Variants in BRINP3 observed in about 807,000 individuals in gnomAD.
BRINP3 encodes BMP/retinoic acid-inducible neural-specific protein 3.
In BRINP3, 19 loss-of-function variants were observed where a neutral mutation model predicts 71.0. The ratio of observed to expected loss-of-function variants is 0.27; its 90% CI spans 0.19 to 0.39. The LOEUF is 0.39. Among genes scored for constraint, BRINP3 ranks in the 10% least tolerant of loss-of-function variants. The pLI is 1.00. For missense variants in BRINP3, 959 were observed against 940.8 expected (o/e 1.02, Z -0.25); for synonymous variants, 380 against 337.7 (o/e 1.13, Z -1.37).
chr1:190,121,311 A>T (rs539706800), intron 7 of BRINP3, among the ~76,000 whole-genome samples: 1 of 152,276 alleles, frequency 6.6e-6, no homozygotes, highest in East Asian at 1.9e-4. Flanking sequence ...TTAATATTAG[A>T]TATTAAAACA....
chr1:190,357,982 T>C (rs1208941992), intron 2 of BRINP3, among the ~76,000 whole-genome samples: 1 of 151,266 alleles, frequency 6.6e-6, no homozygotes, highest in East Asian at 1.9e-4. Flanking sequence ...ACTGGATCCC[T>C]TCCTTACACC....
At chr1:190,422,698 C>T (rs189878134) in intron 2 of BRINP3, among the ~76,000 whole-genome samples, 47 of 151,860 alleles carry the variant, frequency 3.1e-4, no homozygotes, top group Non-Finnish European at 4.9e-4. Flanking sequence ...AGCTGAAGTT[C>T]GCTTTTTGAA....
intron 2 of BRINP3, among the ~76,000 whole-genome samples, chr1:190,292,823 A>G (rs958677770): frequency 1.3e-5 from 2 of 151,994 alleles, no homozygotes; most frequent in African/African-American, 4.8e-5. Flanking sequence ...TAGGTTTTCC[A>G]ATTTGTTAGC....
chr1:190,314,092 A>G (rs1031617818), intron 2 of BRINP3, among the ~76,000 whole-genome samples: 2 of 152,056 alleles, frequency 1.3e-5, no homozygotes, highest in Non-Finnish European at 2.9e-5. Flanking sequence ...AGTGACTTGT[A>G]TATGTAGAGT....
intron 2 of BRINP3, among the ~76,000 whole-genome samples, chr1:190,301,315 CCTTTA>C: frequency 6.8e-6 from 1 of 146,998 alleles, no homozygotes; most frequent in Middle Eastern, 3.8e-3. Context: ...ACATTACCTC[CCTTTA>C]CTTCATTTTA....
intron 2 of BRINP3, among the ~76,000 whole-genome samples, chr1:190,397,092 C>A (rs1671628266): frequency 6.6e-6 from 1 of 151,824 alleles, no homozygotes; most frequent in African/African-American, 2.4e-5. Flanking sequence ...CCTGTGACTA[C>A]CTCTGGACTC....
chr1:190,269,975 C>T (rs1186351022), intron 3 of BRINP3, among the ~76,000 whole-genome samples: 2 of 151,942 alleles, frequency 1.3e-5, no homozygotes, highest in Admixed American at 6.6e-5. Flanking sequence ...CATAAATGCC[C>T]ATCGGTAGGA....
intron 7 of BRINP3, among the ~76,000 whole-genome samples, chr1:190,134,395 C>G (rs1654801826): frequency 6.6e-6 from 1 of 151,760 alleles, no homozygotes; most frequent in Non-Finnish European, 1.5e-5. Context: ...TCGTAAGAAA[C>G]AGGTTTAGAT....
At chr1:190,290,747 G>T (rs553199925) in intron 2 of BRINP3, among the ~76,000 whole-genome samples, 1 of 152,094 alleles carries the variant, frequency 6.6e-6, no homozygotes, top group Non-Finnish European at 1.5e-5. Context: ...AAGATTGTTA[G>T]AAATAAATTC....
intron 2 of BRINP3, among the ~76,000 whole-genome samples, chr1:190,301,255 A>C (rs1482284626): frequency 6.9e-6 from 1 of 144,296 alleles, no homozygotes; most frequent in African/African-American, 2.5e-5. Context: ...ATATATATAT[A>C]TATCTTATCA....
chr1:190,186,808 A>C (rs1653568073), intron 6 of BRINP3, among the ~76,000 whole-genome samples: 1 of 152,062 alleles, frequency 6.6e-6, no homozygotes, highest in Non-Finnish European at 1.5e-5. Context: ...GGTATGGTAA[A>C]TAGAAAAAAA....
intron 7 of BRINP3, chr1:190,154,120 G>T: frequency 1.1e-6 from 1 of 917,994 alleles, no homozygotes; most frequent in Non-Finnish European, 1.3e-6. Flanking sequence ...CTAGGGGAAA[G>T]AGATAAAAAA....
chr1:190,225,185 G>T (rs1392374147), intron 6 of BRINP3, among the ~76,000 whole-genome samples: 2 of 151,950 alleles, frequency 1.3e-5, no homozygotes, highest in African/African-American at 2.4e-5. Context: ...CTTATTTATT[G>T]CAGCACTATT....
intron 2 of BRINP3, among the ~76,000 whole-genome samples, chr1:190,323,807 C>T (rs1487721602): frequency 2.0e-5 from 3 of 151,508 alleles, no homozygotes; most frequent in Admixed American, 2.0e-4. Context: ...GAGAAAAATC[C>T]CTTTTCAGCT....
At chr1:190,463,190 A>G (rs1676508817) in intron 1 of BRINP3, among the ~76,000 whole-genome samples, 1 of 151,860 alleles carries the variant, frequency 6.6e-6, no homozygotes, top group African/African-American at 2.4e-5. Flanking sequence ...GCTTTATAGT[A>G]CTACTAAAAA....
At chr1:190,383,920 T>G (rs2102265050) in intron 2 of BRINP3, among the ~76,000 whole-genome samples, 1 of 152,028 alleles carries the variant, frequency 6.6e-6, no homozygotes, top group Non-Finnish European at 1.5e-5. Flanking sequence ...TTTACATGAA[T>G]TAACCCATTC....
chr1:190,379,429 T>C (rs1484646357), intron 2 of BRINP3, among the ~76,000 whole-genome samples: 1 of 151,944 alleles, frequency 6.6e-6, no homozygotes, highest in Non-Finnish European at 1.5e-5. Context: ...ATTATTGCTA[T>C]GGAGGAAGAA....
At position 190,163,364 on chromosome 1, in the gene BRINP3, C is replaced by T. The variant is rs186807455; in HGVS notation, c.962-2474G>A. 2.0e-5 allele frequency among the ~76,000 whole-genome samples: 3 copies of T among 152,032 alleles called. No individual in the cohort carries two copies. The East Asian group carries it at 5.8e-4, about 29-fold the overall frequency. ...GCCTGTAAAAGAAAACAAATCAATA[C>T]CATGTAAAAATTACCCAGAAAAAGT... is the stretch of plus-strand genomic sequence containing the variant. On this transcript the variant is annotated intron_variant, in intron 6 of 7. Transcript: ENST00000367462.
intron 2 of BRINP3, among the ~76,000 whole-genome samples, chr1:190,329,770 C>A (rs960713467): frequency 1.3e-5 from 2 of 151,854 alleles, no homozygotes; most frequent in African/African-American, 2.4e-5. Flanking sequence ...CCACAGTAAC[C>A]AAAACAGCAT....
Sources: gnomAD v4.1 joint callset for allele counts (sites outside exome capture counted in the v4.1 genomes callset) on GRCh38, gnomAD v4.1.1 for gene constraint, MANE v1.5 for transcripts, NCBI Gene and HGNC (gene_info 2026-07-23, HGNC 2026-07-21) for gene names.